MATN1: variants seen among roughly 807,000 people sequenced by gnomAD.
The protein encoded by MATN1 is matrilin-1.
Under a neutral mutation model 41.3 loss-of-function variants are expected in MATN1, and 34 were observed. The ratio of observed to expected loss-of-function variants is 0.82; its 90% CI spans 0.63 to 1.10. The LOEUF is 1.10. Ranked by LOEUF, MATN1 falls within the 50% of genes least tolerant of loss-of-function variation. MATN1 has a pLI of 0.00. For synonymous variants in MATN1, 264 were observed against 278.7 expected (o/e 0.95, Z 0.53); for missense variants, 602 against 662.4 (o/e 0.91, Z 1.00).
chr1:30,717,319 A>T (rs1442458035), intron 3 of MATN1, among the ~76,000 whole-genome samples: 1 of 152,166 alleles, frequency 6.6e-6, no homozygotes. Flanking sequence ...AATAACGTGC[A>T]TGCTCTTCTT....
chr1:30,714,871 G>A (rs1639595671), intron 6 of MATN1, among the ~76,000 whole-genome samples: 1 of 152,156 alleles, frequency 6.6e-6, no homozygotes, highest in Non-Finnish European at 1.5e-5. Context: ...CACCCCTTTG[G>A]CCTTGTTTAT....
At chr1:30,721,300 C>G (rs950085284) in intron 2 of MATN1, 105 bp downstream of exon 2, 9 of 1,126,418 alleles carry the variant, frequency 8.0e-6, no homozygotes, top group South Asian at 7.4e-5. Flanking sequence ...ATGAAATGGC[C>G]ACCTCACGGG....
chr1:30,715,754 T>C (rs1394979733), intron 5 of MATN1, among the ~76,000 whole-genome samples, 155 bp downstream of exon 5: 2 of 152,184 alleles, frequency 1.3e-5, no homozygotes, highest in Non-Finnish European at 2.9e-5. Flanking sequence ...TTGTCATTGG[T>C]ATAAGAGAGA....
intron 4 of MATN1, 78 bp from the exon 5 acceptor site, chr1:30,716,403 A>G: frequency 7.1e-7 from 1 of 1,417,376 alleles, no homozygotes; most frequent in Non-Finnish European, 9.7e-7. Context: ...GACACCCACC[A>G]CACACCAAGC....
chr1:30,713,778 G>A (rs1444411545), intron 7 of MATN1, 147 bp from the exon 8 acceptor site: 3 of 697,198 alleles, frequency 4.3e-6, no homozygotes, highest in Admixed American at 2.3e-5. Flanking sequence ...TCAGAATGGT[G>A]CTTTCCAAAA....
chr1:30,717,876 AT>A (rs1639640103), intron 3 of MATN1, among the ~76,000 whole-genome samples: 1 of 151,952 alleles, frequency 6.6e-6, no homozygotes, highest in Non-Finnish European at 1.5e-5. Context: ...GATGGTCTCG[AT>A]CTCCTGACTT....
At chr1:30,714,061 G>C (rs1005712141) in intron 7 of MATN1, 186 bp downstream of exon 7, 1 of 609,408 alleles carries the variant, frequency 1.6e-6, no homozygotes, top group African/African-American at 1.9e-5. Flanking sequence ...TACCTTCTAG[G>C]AGTCTCTGCT....
chr1:30,722,699 G>A (rs1335635967), intron 1 of MATN1, among the ~76,000 whole-genome samples: 1 of 152,204 alleles, frequency 6.6e-6, no homozygotes. Context: ...ACTGAGCAGA[G>A]CCAATCCCAA....
At chr1:30,715,516 T>G (rs549388921) in intron 5 of MATN1, among the ~76,000 whole-genome samples, 1 of 152,352 alleles carries the variant, frequency 6.6e-6, no homozygotes, top group East Asian at 1.9e-4. Flanking sequence ...AGTGACTTCC[T>G]GTACTGGAAG....
chr1:30,718,237 C>A (rs1369089245), intron 3 of MATN1, among the ~76,000 whole-genome samples: 1 of 151,588 alleles, frequency 6.6e-6, no homozygotes, highest in Non-Finnish European at 1.5e-5. Context: ...TTTCTGTCTT[C>A]ACTTTAGCGC....
Position 30,712,031 on chromosome 1 carries a change from A to G in MATN1, c.*1551T>C, listed in dbSNP as rs1188402. The G allele has an allele frequency of 0.54, 82,573 of 152,112 alleles. 23,355 individuals carry two copies. Among genetic ancestry groups the G allele is most frequent in the African/African-American group, 0.71 (29,262 of 41,366 alleles). 9.4% of individuals were successfully genotyped at this position (152,112 alleles called of 1,614,324 possible). A position where few individuals can be genotyped will look rare whatever the true frequency, so the allele number is the denominator to read the frequency against. On this transcript the variant is annotated 3_prime_UTR_variant, in exon 8 of 8. Coordinates refer to ENST00000373765, the MANE Select transcript of MATN1 (RefSeq NM_002379.3). The stretch of plus-strand genomic sequence containing the variant: ...TGTATTTGTGCTGTTGTACTGATGT[A>G]GCTCTTGGGTACCGTTCGTGTTGTT...
intron 2 of MATN1, chr1:30,719,324 C>T (rs1268543636): frequency 1.2e-5 from 3 of 244,584 alleles, no homozygotes; most frequent in Admixed American, 5.7e-5. Context: ...CCCTCGTGCC[C>T]CCGGGAGGCC....
chr1:30,716,449 C>A, intron 4 of MATN1, 124 bp from the exon 5 acceptor site: 1 of 1,039,890 alleles, frequency 9.6e-7, no homozygotes, highest in East Asian at 2.6e-5. Flanking sequence ...GCCCTCAGAA[C>A]TGCCTCTATA....
chr1:30,716,007 C>T lies in MATN1; in HGVS notation c.1109G>A (p.Ser370Asn). Residue 370 changes from serine (S) to asparagine (N), a missense_variant, in exon 5 of 8, where the codon AGT becomes AAT. Ser to Asn is a conservative substitution (Grantham distance 46, BLOSUM62 1). Coordinates refer to ENST00000373765, the MANE Select transcript of MATN1 (RefSeq NM_002379.3). ...CTTCTGGGCCCCGGGCCTAGCCCCA[C>T]TGGACACAGTGAAGGAATTGTCAAT... Reference protein sequence around the residue: ...YLIDNSFTVSSGARPGAQKVG... With the variant: ...YLIDNSFTVSNGARPGAQKVG... The T allele has an allele frequency of 6.2e-7, 1 of 1,614,270 alleles. No individual in the cohort carries two copies. Among genetic ancestry groups the T allele is most frequent in the East Asian group, 2.2e-5 (1 of 44,890 alleles).
chr1:30,716,081 C>G lies in MATN1; in HGVS notation c.1035G>C (p.Met345Ile), dbSNP rs1340638195. 3 of 1,614,120 alleles carry G rather than the reference C, an allele frequency of 1.9e-6. No homozygotes were observed. Among genetic ancestry groups the G allele is most frequent in the Non-Finnish European group, 2.5e-6 (3 of 1,180,056 alleles). The change falls in exon 5 of 8, where the codon ATG becomes ATC. Residue 345 changes from methionine (M) to isoleucine (I), a missense_variant. Met to Ile is a conservative substitution (Grantham distance 10, BLOSUM62 1). Coordinates refer to ENST00000373765, the MANE Select transcript of MATN1 (RefSeq NM_002379.3). Reference protein sequence around the residue: ...KKDIKAAVRNMSYMEKGTMTG... With the variant: ...KKDIKAAVRNISYMEKGTMTG... Reference sequence around the variant, plus strand: ...TCATTGTGCCCTTCTCCATGTAGGACATATTCCGCACAGCCGCCTTGATGT... The same window carrying G: ...TCATTGTGCCCTTCTCCATGTAGGAGATATTCCGCACAGCCGCCTTGATGT...
intron 1 of MATN1, 117 bp from the exon 2 acceptor site, chr1:30,721,868 T>C: frequency 6.5e-6 from 5 of 771,602 alleles, no homozygotes; most frequent in Non-Finnish European, 1.0e-5. Context: ...CCCAGTAGGC[T>C]GCAAACTTCA....
intron 4 of MATN1, 56 bp downstream of exon 4, chr1:30,716,734 C>T (rs1365215953): frequency 1.0e-5 from 16 of 1,594,342 alleles, no homozygotes; most frequent in African/African-American, 2.7e-5. Flanking sequence ...CTGGGGAGGC[C>T]CCATCACCTC....
chr1:30,715,336 G>T, intron 5 of MATN1, 27 bp from the exon 6 acceptor site: 1 of 1,612,062 alleles, frequency 6.2e-7, no homozygotes. Flanking sequence ...GAGAAGTAAG[G>T]CTGGACATGG....
intron 2 of MATN1, chr1:30,720,811 TCACTGACAG>T: frequency 6.5e-6 from 1 of 153,370 alleles, no homozygotes; most frequent in South Asian, 2.0e-4. Flanking sequence ...CCTGGAGCCC[TCACTGACAG>T]CACAGGTGGC....
Sources: gnomAD v4.1 joint callset for allele counts (sites outside exome capture counted in the v4.1 genomes callset) on GRCh38, gnomAD v4.1.1 for gene constraint, MANE v1.5 for transcripts, NCBI Gene and HGNC (gene_info 2026-07-23, HGNC 2026-07-21) for gene names.